KIAA1217: variants seen among roughly 807,000 people sequenced by gnomAD.
KIAA1217 encodes sickle tail protein homolog.
KIAA1217 carries 88 observed loss-of-function variants against 163.9 expected under a neutral mutation model. That is an observed-to-expected ratio of 0.54 (90% CI 0.45 to 0.64). The LOEUF is 0.64. Ranked by LOEUF, KIAA1217 falls within the 30% of genes least tolerant of loss-of-function variation. The pLI, the probability that KIAA1217 is intolerant of heterozygous loss-of-function variation, is 0.00. For missense variants in KIAA1217, 2,372 were observed against 2,475.0 expected (o/e 0.96, Z 0.88); for synonymous variants, 903 against 923.1 (o/e 0.98, Z 0.39).
intron 5 of KIAA1217, among the ~76,000 whole-genome samples, chr10:24,452,955 A>C (rs1469240863): frequency 6.6e-6 from 1 of 152,182 alleles, no homozygotes; most frequent in Non-Finnish European, 1.5e-5. Context: ...GAAAAAAAGA[A>C]AGAAAGAGGC....
chr10:24,179,096 T>G (rs1387156458), intron 2 of KIAA1217, among the ~76,000 whole-genome samples: 3 of 152,130 alleles, frequency 2.0e-5, no homozygotes, highest in Non-Finnish European at 4.4e-5. Context: ...GTACACAGAG[T>G]GCCTCACAGA....
chr10:24,417,214 C>T (rs2058326219), intron 3 of KIAA1217, among the ~76,000 whole-genome samples: 1 of 152,022 alleles, frequency 6.6e-6, no homozygotes, highest in South Asian at 2.1e-4. Context: ...TCTGAGCCTC[C>T]CCCTCAGATA....
At chr10:24,460,930 T>C (rs1053432718) in intron 5 of KIAA1217, among the ~76,000 whole-genome samples, 1 of 152,152 alleles carries the variant, frequency 6.6e-6, no homozygotes, top group African/African-American at 2.4e-5. Context: ...CAATTGGTAG[T>C]AAGAAGCTGA....
At chr10:24,055,275 A>G (rs569435274) in intron 2 of KIAA1217, among the ~76,000 whole-genome samples, 1 of 152,214 alleles carries the variant, frequency 6.6e-6, no homozygotes, top group African/African-American at 2.4e-5. Flanking sequence ...TCAAAAAATA[A>G]AAAGAAAAAG....
At chr10:23,802,937 C>T (rs954515441) in intron 1 of KIAA1217, among the ~76,000 whole-genome samples, 7 of 152,094 alleles carry the variant, frequency 4.6e-5, no homozygotes, top group Admixed American at 1.3e-4. Context: ...AGGCACTCTT[C>T]GAAGATCTTT....
intron 1 of KIAA1217, among the ~76,000 whole-genome samples, chr10:23,992,129 A>G (rs554922789): frequency 3.3e-5 from 5 of 152,286 alleles, no homozygotes; most frequent in African/African-American, 9.6e-5. Flanking sequence ...CAAACCACAA[A>G]ACTGAGACAA....
chr10:24,365,166 T>C (rs2050602549), intron 2 of KIAA1217, among the ~76,000 whole-genome samples: 1 of 152,156 alleles, frequency 6.6e-6, no homozygotes, highest in Non-Finnish European at 1.5e-5. Context: ...GCGACTTTCC[T>C]TGCCCCCGTT....
chr10:24,359,880 G>C (rs893145505), intron 2 of KIAA1217, among the ~76,000 whole-genome samples: 9 of 151,764 alleles, frequency 5.9e-5, no homozygotes, highest in Admixed American at 5.9e-4. Context: ...ACAAGGCTAC[G>C]TAATTTTATT....
rs1165527301 is a variant in KIAA1217 at position 24,451,189 on chromosome 10, TG to T, written c.846+12711del. Among the ~76,000 whole-genome samples the T allele has an allele frequency of 3.1e-4, 47 of 152,338 alleles. No individual in the cohort carries two copies. The South Asian group carries it at 4.6e-3, about 15-fold the overall frequency. ...CTCTTCTTTGCTTCATGTGCCGTGT[TG>T]CTCATAAAAAAATGTTTCCATAGGA... On this transcript the variant is annotated intron_variant, in intron 5 of 20. Transcript: ENST00000376454.
chr10:23,769,178 G>A (rs184837073), intron 1 of KIAA1217, among the ~76,000 whole-genome samples: 2 of 152,360 alleles, frequency 1.3e-5, no homozygotes, highest in Admixed American at 1.3e-4. Context: ...GGGGCTGCCA[G>A]TGAGTCACGA....
At chr10:24,391,165 G>T (rs2054874991) in intron 3 of KIAA1217, among the ~76,000 whole-genome samples, 1 of 151,982 alleles carries the variant, frequency 6.6e-6, no homozygotes, top group South Asian at 2.1e-4. Context: ...AGGTAAAAAA[G>T]CATGGCCTGA....
At chr10:24,222,647 T>C (rs2069817971) in intron 2 of KIAA1217, among the ~76,000 whole-genome samples, 1 of 152,186 alleles carries the variant, frequency 6.6e-6, no homozygotes, top group South Asian at 2.1e-4. Flanking sequence ...GTAGCTGAGA[T>C]TACAAGTATG....
chr10:24,089,999 A>G (rs1345494177), intron 2 of KIAA1217, among the ~76,000 whole-genome samples: 2 of 151,838 alleles, frequency 1.3e-5, no homozygotes, highest in East Asian at 1.9e-4. Flanking sequence ...ATCCTAAGCC[A>G]AAAGAACAAA....
intron 3 of KIAA1217, among the ~76,000 whole-genome samples, chr10:24,417,132 T>A (rs1417165178): frequency 1.3e-5 from 2 of 152,016 alleles, no homozygotes; most frequent in Admixed American, 6.5e-5. Context: ...AGCTCCAAGA[T>A]GAAGGCCAGC....
chr10:24,291,211 A>G, intron 2 of KIAA1217, among the ~76,000 whole-genome samples: 1 of 152,276 alleles, frequency 6.6e-6, no homozygotes, highest in East Asian at 1.9e-4. Flanking sequence ...CCTGTGGGAT[A>G]TGACCAACAA....
At chr10:23,794,379 C>T (rs989612483) in intron 1 of KIAA1217, among the ~76,000 whole-genome samples, 11 of 152,180 alleles carry the variant, frequency 7.2e-5, no homozygotes, top group Admixed American at 6.5e-5. Context: ...GAAACCGACC[C>T]ATCCTGTTCT....
chr10:23,917,166 G>A (rs1382889194), intron 1 of KIAA1217, among the ~76,000 whole-genome samples: 1 of 152,098 alleles, frequency 6.6e-6, no homozygotes, highest in East Asian at 1.9e-4. Flanking sequence ...CACTCTGGTG[G>A]CTATCATGAC....
intron 1 of KIAA1217, among the ~76,000 whole-genome samples, chr10:23,914,285 T>G (rs1464232152): frequency 1.3e-5 from 2 of 152,078 alleles, no homozygotes; most frequent in Non-Finnish European, 2.9e-5. Flanking sequence ...GTCACCAACA[T>G]GCACAATTCC....
chr10:23,852,000 C>A (rs993392556), intron 1 of KIAA1217, among the ~76,000 whole-genome samples: 2 of 151,934 alleles, frequency 1.3e-5, no homozygotes, highest in African/African-American at 4.8e-5. Flanking sequence ...TTTTGCTGTG[C>A]AGAAGCTCTT....
Sources: allele counts gnomAD v4.1 joint callset (sites outside exome capture counted in the v4.1 genomes callset), GRCh38; gene constraint gnomAD v4.1.1; transcripts MANE v1.5; gene names NCBI Gene and HGNC (gene_info 2026-07-23, HGNC 2026-07-21).